GAL3ST1: variants seen among roughly 807,000 people sequenced by gnomAD.
GAL3ST1 encodes galactosylceramide sulfotransferase.
A neutral mutation model predicts 25.0 loss-of-function variants in GAL3ST1; 13 were observed. The observed-to-expected ratio is 0.52, with a 90% confidence interval of 0.34 to 0.83. The LOEUF is 0.83. Ranked by LOEUF, GAL3ST1 falls within the 40% of genes least tolerant of loss-of-function variation. The pLI, the probability that GAL3ST1 is intolerant of heterozygous loss-of-function variation, is 0.02. For missense variants in GAL3ST1, 474 were observed against 613.6 expected (o/e 0.77, Z 2.40); for synonymous variants, 274 against 277.8 (o/e 0.99, Z 0.14).
At chr22:30,556,409 C>T (rs2267159) in intron 3 of GAL3ST1, among the ~76,000 whole-genome samples, 114,499 of 152,018 alleles carry the variant, frequency 0.75, 43,400 homozygotes, top group African/African-American at 0.84. Flanking sequence ...CCACATGAAA[C>T]TGCCATTTTA....
At chr22:30,559,799 C>T (rs1027403814) in intron 1 of GAL3ST1, among the ~76,000 whole-genome samples, 5 of 152,198 alleles carry the variant, frequency 3.3e-5, no homozygotes, top group Admixed American at 6.5e-5. Context: ...GAGAGAGCTG[C>T]GGCTTGGAGG....
At chr22:30,565,630 G>C (rs765510479) in intron 1 of GAL3ST1, among the ~76,000 whole-genome samples, 1 of 152,164 alleles carries the variant, frequency 6.6e-6, no homozygotes, top group Non-Finnish European at 1.5e-5. Flanking sequence ...CTCTATCCCT[G>C]GGTGAGGAAT....
intron 1 of GAL3ST1, 32 bp downstream of exon 1, chr22:30,574,434 G>C (rs1247405941): frequency 6.6e-6 from 1 of 151,964 alleles, no homozygotes; most frequent in Non-Finnish European, 1.5e-5. Flanking sequence ...CAGGGCTCAA[G>C]CTGGCAGTGG....
chr22:30,561,824 C>T (rs906393742), intron 1 of GAL3ST1, among the ~76,000 whole-genome samples: 2 of 152,204 alleles, frequency 1.3e-5, no homozygotes, highest in Non-Finnish European at 2.9e-5. Context: ...GGGTCCAAGG[C>T]TGGTTGTGCC....
chr22:30,568,544 C>T (rs1268376921), intron 1 of GAL3ST1, among the ~76,000 whole-genome samples: 3 of 152,132 alleles, frequency 2.0e-5, no homozygotes, highest in Non-Finnish European at 2.9e-5. Flanking sequence ...TTCAAGAAAA[C>T]GAGAACTGTA....
At chr22:30,558,812 T>G (rs2086199787) in intron 1 of GAL3ST1, among the ~76,000 whole-genome samples, 1 of 152,208 alleles carries the variant, frequency 6.6e-6, no homozygotes. Context: ...TGAATACAAT[T>G]TTTTACAGTA....
At chr22:30,562,924 G>C (rs1569004707) in intron 1 of GAL3ST1, among the ~76,000 whole-genome samples, 1 of 152,312 alleles carries the variant, frequency 6.6e-6, no homozygotes, top group East Asian at 1.9e-4. Flanking sequence ...AGACCAGCCT[G>C]GCCAACATGC....
At chr22:30,566,480 AGTGAGATCGTG>A (rs1387091151) in intron 1 of GAL3ST1, among the ~76,000 whole-genome samples, 3 of 152,208 alleles carry the variant, frequency 2.0e-5, no homozygotes, top group Non-Finnish European at 2.9e-5. Flanking sequence ...TTGAACAAGA[AGTGAGATCGTG>A]GCTGAGGAGG....
intron 1 of GAL3ST1, among the ~76,000 whole-genome samples, chr22:30,567,996 A>G (rs1464998121): frequency 6.6e-6 from 1 of 151,988 alleles, no homozygotes; most frequent in Non-Finnish European, 1.5e-5. Flanking sequence ...GATAGTTTTA[A>G]ATTGATCCAT....
At chr22:30,563,442 C>A (rs2086512355) in intron 1 of GAL3ST1, among the ~76,000 whole-genome samples, 1 of 152,124 alleles carries the variant, frequency 6.6e-6, no homozygotes, top group African/African-American at 2.4e-5. Context: ...ATGGCAAGAC[C>A]TCATCTCTAC....
chr22:30,569,348 GT>G (rs2086714360), intron 1 of GAL3ST1, among the ~76,000 whole-genome samples: 1 of 152,174 alleles, frequency 6.6e-6, no homozygotes, highest in Non-Finnish European at 1.5e-5. Context: ...AGAGCTGTCT[GT>G]AGACCATGCA....
chr22:30,564,104 C>T (rs2086543709), intron 1 of GAL3ST1, among the ~76,000 whole-genome samples: 1 of 152,206 alleles, frequency 6.6e-6, no homozygotes, highest in Non-Finnish European at 1.5e-5. Context: ...ATAAGGGATA[C>T]TCAACCTGTA....
chr22:30,558,216 T>A (rs2086160061), intron 2 of GAL3ST1, 63 bp downstream of exon 2: 1 of 151,794 alleles, frequency 6.6e-6, no homozygotes, highest in African/African-American at 2.4e-5. Context: ...CCTGGGCATA[T>A]GGTGAGAACC....
At chr22:30,565,914 C>T (rs2086604934) in intron 1 of GAL3ST1, among the ~76,000 whole-genome samples, 1 of 152,156 alleles carries the variant, frequency 6.6e-6, no homozygotes, top group South Asian at 2.1e-4. Flanking sequence ...GCAGGTGTCA[C>T]CATTTAGGGA....
At chr22:30,567,621 T>TC (rs2086662605) in intron 1 of GAL3ST1, among the ~76,000 whole-genome samples, 1 of 152,010 alleles carries the variant, frequency 6.6e-6, no homozygotes. Context: ...CTTGCTTTTT[T>TC]CCCACCTATC....
chr22:30,570,187 G>A (rs1601982341), intron 1 of GAL3ST1, among the ~76,000 whole-genome samples: 1 of 152,230 alleles, frequency 6.6e-6, no homozygotes, highest in Non-Finnish European at 1.5e-5. Flanking sequence ...AGAGAAGGTG[G>A]TGGGGTGAGG....
At position 30,574,651 on chromosome 22, in the gene GAL3ST1, T is replaced by TGCCGCCGCCAGCCTGGCCCAGCCTCCGGC. The variant is rs2086857976; in HGVS notation, c.-306_-305insGCCGGAGGCTGGGCCAGGCTGGCGGCGGC. 7.1e-6 allele frequency: 1 copy of TGCCGCCGCCAGCCTGGCCCAGCCTCCGGC among 141,802 alleles called. No homozygotes were observed. Among genetic ancestry groups the TGCCGCCGCCAGCCTGGCCCAGCCTCCGGC allele is most frequent in the African/African-American group, 2.6e-5 (1 of 38,246 alleles). 8.8% of individuals were successfully genotyped at this position (141,802 alleles called of 1,614,324 possible). ...CGCGCCGCGCCCGCTCCCGGCCAGGTGCCGCCGCCAGCCTGGCCCAGCCTC... is the reference window on the plus strand; with the variant it reads ...CGCGCCGCGCCCGCTCCCGGCCAGGTGCCGCCGCCAGCCTGGCCCAGCCTCCGGCGCCGCCGCCAGCCTGGCCCAGCCTC... On this transcript the variant is annotated 5_prime_UTR_variant, in exon 1 of 4. Transcript: ENST00000406361.
intron 1 of GAL3ST1, among the ~76,000 whole-genome samples, chr22:30,571,461 G>A (rs1175850751): frequency 6.6e-6 from 1 of 152,160 alleles, no homozygotes; most frequent in East Asian, 1.9e-4. Flanking sequence ...CTAGCCTGCA[G>A]GGGTGGATGC....
intron 1 of GAL3ST1, among the ~76,000 whole-genome samples, chr22:30,560,112 C>T (rs913131435): frequency 2.0e-5 from 3 of 152,208 alleles, no homozygotes; most frequent in Admixed American, 6.5e-5. Context: ...CACTGCACTT[C>T]AGCCTGGGTG....
Sources: allele counts gnomAD v4.1 joint callset (sites outside exome capture counted in the v4.1 genomes callset), GRCh38; gene constraint gnomAD v4.1.1; transcripts MANE v1.5; gene names NCBI Gene and HGNC (gene_info 2026-07-23, HGNC 2026-07-21).